Variants in SNX9 observed in about 807,000 individuals in gnomAD.
The protein encoded by SNX9 is sorting nexin-9.
In SNX9, 44 loss-of-function variants were observed where a neutral mutation model predicts 89.4. That is an observed-to-expected ratio of 0.49 (90% confidence interval 0.39 to 0.63). SNX9 has a LOEUF of 0.63. Ranked by LOEUF, SNX9 falls within the 30% of genes least tolerant of loss-of-function variation. The pLI, the probability that SNX9 is intolerant of heterozygous loss-of-function variation, is 0.00. For missense variants in SNX9, 578 were observed against 736.1 expected, an observed-to-expected ratio of 0.79 and a Z score of 2.49; for synonymous variants, 236 against 247.8, an observed-to-expected ratio of 0.95 and a Z score of 0.45.
At chr6:157,883,497 G>A (rs988166247) in intron 4 of SNX9, among the ~76,000 whole-genome samples, 2 of 152,206 alleles carry the variant, frequency 1.3e-5, no homozygotes, top group East Asian at 3.8e-4. Flanking sequence ...GCAAGCAGAC[G>A]CTGAACGGTT....
intron 9 of SNX9, 65 bp downstream of exon 9, chr6:157,910,090 G>T: frequency 7.8e-7 from 1 of 1,282,148 alleles, no homozygotes; most frequent in Non-Finnish European, 1.1e-6. Context: ...TTATCTTCCT[G>T]TAAGTCAGTG....
chr6:157,914,345 CTTA>C (rs771328534), intron 9 of SNX9, among the ~76,000 whole-genome samples: 2 of 150,418 alleles, frequency 1.3e-5, no homozygotes, highest in Non-Finnish European at 3.0e-5. Flanking sequence ...AGTCTGTTTT[CTTA>C]TTGTTGAATC....
rs9458665 is a variant in SNX9 at position 157,851,948 on chromosome 6, T to C, written c.13-15599T>C. Among the ~76,000 whole-genome samples, 596 of 152,346 alleles carry C rather than the reference T, an allele frequency of 3.9e-3. 1 individual carries two copies. The highest frequency in any genetic ancestry group is 0.014 in the African/African-American group (578 of 41,570). ...GCGTAATGTTTTCAAGGTTCGTCTG[T>C]AATGTAGCATGTATCCGAACTTCAT... is the stretch of plus-strand genomic sequence containing the variant. On this transcript the variant is annotated intron_variant, in intron 1 of 17. Transcript: ENST00000392185.
intron 1 of SNX9, among the ~76,000 whole-genome samples, chr6:157,835,113 A>G (rs1781558371): frequency 1.3e-5 from 2 of 152,182 alleles, no homozygotes; most frequent in South Asian, 4.1e-4. Context: ...CCTGGGTTCA[A>G]GCAGTTCTCC....
At chr6:157,852,602 A>T (rs1781935715) in intron 1 of SNX9, among the ~76,000 whole-genome samples, 3 of 152,092 alleles carry the variant, frequency 2.0e-5, no homozygotes, top group Admixed American at 2.0e-4. Context: ...TTTTTGAGAC[A>T]GGGTCTTGCT....
chr6:157,893,608 T>TTTTG (rs1782909459), intron 4 of SNX9, among the ~76,000 whole-genome samples: 2 of 148,754 alleles, frequency 1.3e-5, no homozygotes, highest in African/African-American at 5.0e-5. Context: ...CTAGCACCAT[T>TTTTG]TGTGTGTGTG....
chr6:157,944,305 C>A lies in SNX9; in HGVS notation c.*1467C>A, dbSNP rs1211062529. ...CAAATGAATATGAGAACATCTTGTT[C>A]TTCAATATCACGGGTTTTTGTTAAT... On this transcript the variant is annotated 3_prime_UTR_variant, in exon 18 of 18. Transcript: ENST00000392185. 6.6e-6 allele frequency: 1 copy of A among 152,618 alleles called. No individual in the cohort carries two copies. The highest frequency in any genetic ancestry group is 1.5e-5 in the Non-Finnish European group (1 of 68,028). 9.5% of individuals were successfully genotyped at this position (152,618 alleles called of 1,614,324 possible). A position where few individuals can be genotyped will look rare whatever the true frequency, so the allele number is the denominator to read the frequency against.
At chr6:157,889,144 A>G (rs1782800963) in intron 4 of SNX9, among the ~76,000 whole-genome samples, 1 of 152,056 alleles carries the variant, frequency 6.6e-6, no homozygotes, top group Admixed American at 6.6e-5. Flanking sequence ...CAAAAATGTC[A>G]GAGACATCAG....
intron 1 of SNX9, among the ~76,000 whole-genome samples, chr6:157,859,569 T>A (rs1264382619): frequency 6.6e-6 from 1 of 152,250 alleles, no homozygotes; most frequent in Non-Finnish European, 1.5e-5. Flanking sequence ...TTATTCTGTT[T>A]GTGAAGCTGT....
At chr6:157,840,241 G>A (rs73022635) in intron 1 of SNX9, among the ~76,000 whole-genome samples, 1,290 of 123,716 alleles carry the variant, frequency 0.01, 87 homozygotes, top group African/African-American at 0.033. Context: ...AGACCCTCAG[G>A]CTGGTGCTTG....
At chr6:157,914,469 CTTT>C (rs34419515) in intron 9 of SNX9, among the ~76,000 whole-genome samples, 5 of 75,128 alleles carry the variant, frequency 6.7e-5, no homozygotes, top group African/African-American at 2.3e-4. Context: ...TTTTCTTTTT[CTTT>C]TTTTTTTTTT....
intron 1 of SNX9, among the ~76,000 whole-genome samples, chr6:157,866,855 G>A (rs1246214691): frequency 6.6e-6 from 1 of 152,198 alleles, no homozygotes; most frequent in Non-Finnish European, 1.5e-5. Flanking sequence ...CTGAGAGTCA[G>A]TGTTCCCAGA....
At chr6:157,824,445 G>A (rs1296579141) in intron 1 of SNX9, among the ~76,000 whole-genome samples, 1 of 152,192 alleles carries the variant, frequency 6.6e-6, no homozygotes, top group Non-Finnish European at 1.5e-5. Flanking sequence ...CACTTTGTTA[G>A]CATCAGCACC....
chr6:157,859,467 C>T (rs1367396609), intron 1 of SNX9, among the ~76,000 whole-genome samples: 1 of 152,168 alleles, frequency 6.6e-6, no homozygotes, highest in African/African-American at 2.4e-5. Flanking sequence ...ACAGCATAGC[C>T]TGGTTTATTT....
chr6:157,855,995 C>T (rs539157485), intron 1 of SNX9, among the ~76,000 whole-genome samples: 7 of 152,286 alleles, frequency 4.6e-5, no homozygotes, highest in South Asian at 2.1e-4. Flanking sequence ...ATGATCCACC[C>T]GCCTCGGCCT....
At chr6:157,891,540 T>C (rs1417451848) in intron 4 of SNX9, among the ~76,000 whole-genome samples, 1 of 152,210 alleles carries the variant, frequency 6.6e-6, no homozygotes, top group Non-Finnish European at 1.5e-5. Flanking sequence ...GAGTAAGATA[T>C]ATTTCATACA....
At chr6:157,880,443 T>C (rs1782601490) in intron 4 of SNX9, among the ~76,000 whole-genome samples, 1 of 152,216 alleles carries the variant, frequency 6.6e-6, no homozygotes, top group African/African-American at 2.4e-5. Flanking sequence ...AATTTTCTCT[T>C]TGATTTGCCC....
chr6:157,882,610 A>G (rs1251174275), intron 4 of SNX9, among the ~76,000 whole-genome samples: 1 of 152,222 alleles, frequency 6.6e-6, no homozygotes, highest in Non-Finnish European at 1.5e-5. Flanking sequence ...CAAAATGTCA[A>G]CATTAACAGG....
intron 6 of SNX9, among the ~76,000 whole-genome samples, chr6:157,903,780 A>T (rs535415640): frequency 6.6e-6 from 1 of 152,194 alleles, no homozygotes; most frequent in South Asian, 2.1e-4. Flanking sequence ...AAGTTTCGTG[A>T]CCTGTTGGAA....
Sources: gnomAD v4.1 joint callset for allele counts (sites outside exome capture counted in the v4.1 genomes callset) on GRCh38, gnomAD v4.1.1 for gene constraint, MANE v1.5 for transcripts, NCBI Gene and HGNC (gene_info 2026-07-23, HGNC 2026-07-21) for gene names.